ADA2: variants seen among roughly 807,000 people sequenced by gnomAD.
The protein encoded by ADA2 is adenosine deaminase CECR1.
ADA2 carries 29 observed loss-of-function variants against 44.2 expected under a neutral mutation model. The ratio of observed to expected loss-of-function variants is 0.66; its 90% confidence interval spans 0.49 to 0.89. The LOEUF is 0.89. Ranked by LOEUF, ADA2 falls within the 40% of genes least tolerant of loss-of-function variation. The probability of loss-of-function intolerance (pLI) is 0.00; values close to 1 mark genes in which losing one functional copy is unlikely to be tolerated. For synonymous variants in ADA2, 215 were observed against 234.9 expected (o/e 0.92, Z 0.77); for missense variants, 637 against 644.8 (o/e 0.99, Z 0.13).
chr22:17,194,370 C>A (rs752340662), intron 4 of ADA2, among the ~76,000 whole-genome samples: 9 of 152,216 alleles, frequency 5.9e-5, no homozygotes, highest in South Asian at 4.1e-4. Flanking sequence ...GTCTCCCCAG[C>A]CTAGGGGCCT....
At chr22:17,193,974 A>G (rs1392857109) in intron 4 of ADA2, among the ~76,000 whole-genome samples, 2 of 151,044 alleles carry the variant, frequency 1.3e-5, no homozygotes, top group African/African-American at 4.9e-5. Flanking sequence ...CAGGAGGTCA[A>G]GACCAGCCTG....
intron 7 of ADA2, among the ~76,000 whole-genome samples, chr22:17,183,928 C>T (rs187392867): frequency 6.6e-6 from 1 of 151,038 alleles, no homozygotes; most frequent in East Asian, 1.9e-4. Flanking sequence ...GGCCTCCCTT[C>T]TCCCCTGCCA....
upstream of ADA2, among the ~76,000 whole-genome samples, chr22:17,220,908 G>A (rs1390573172): frequency 6.6e-6 from 1 of 152,134 alleles, no homozygotes; most frequent in African/African-American, 2.4e-5. Context: ...GCTCAGTGGT[G>A]CATGCCTGTA....
At chr22:17,219,028 G>C in intron 1 of ADA2, among the ~76,000 whole-genome samples, 1 of 152,128 alleles carries the variant, frequency 6.6e-6, no homozygotes, top group Non-Finnish European at 1.5e-5. Context: ...GTGGTGGTGG[G>C]TGCCTGTAAT....
chr22:17,209,376 A>G lies in ADA2; in HGVS notation c.302T>C (p.Ile101Thr). The G allele has an allele frequency of 1.2e-6, 2 of 1,613,980 alleles. No homozygotes were observed. Among genetic ancestry groups the G allele is most frequent in the Non-Finnish European group, 8.5e-7 (1 of 1,179,994 alleles). Reference sequence around the variant, plus strand: ...CTTACCTTTTGGCATCATCCTTAGAATATTAAACACTTGACTTCTCTCAAT... The same window carrying G: ...CTTACCTTTTGGCATCATCCTTAGAGTATTAAACACTTGACTTCTCTCAAT... ...HLIERSQVFN[I>T]LRMMPKGAAL... is the part of the protein sequence containing the mutation. Residue 101 changes from isoleucine (I) to threonine (T), a missense_variant, in exon 2 of 10, where the codon ATT becomes ACT. Coordinates refer to ENST00000399837, the MANE Select transcript of ADA2 (RefSeq NM_001282225.2).
intron 1 of ADA2, among the ~76,000 whole-genome samples, chr22:17,219,084 G>C (rs2123740246): frequency 6.6e-6 from 1 of 152,366 alleles, no homozygotes; most frequent in Non-Finnish European, 1.5e-5. Context: ...TTGAACTCGA[G>C]AGGCAGAAGT....
intron 1 of ADA2, among the ~76,000 whole-genome samples, chr22:17,215,366 CG>C (rs2062459273): frequency 2.0e-5 from 3 of 151,896 alleles, no homozygotes; most frequent in African/African-American, 7.2e-5. Context: ...TTTGGGAGGC[CG>C]AGGCAGGAGG....
chr22:17,185,198 G>A (rs2123617585), intron 7 of ADA2, among the ~76,000 whole-genome samples: 1 of 151,372 alleles, frequency 6.6e-6, no homozygotes. Context: ...GGATCACGAG[G>A]TTAGGAGTTC....
Position 17,209,568 on chromosome 22 carries a change from A to C in ADA2, c.110T>G (p.Leu37Arg). ...CCGCATCATCTTTTCTTTCAACAAC[A>C]GATGCGCCCGTGTTTCATCTATGGA... ...ALSIDETRAH[L>R]LLKEKMMRLG... is the part of the protein sequence containing the mutation. Residue 37 changes from leucine to arginine, a missense_variant, in exon 2 of 10, where the codon CTG becomes CGG. Leu to Arg is a moderately radical substitution (Grantham distance 102). Transcript: ENST00000399837. The C allele has an allele frequency of 6.2e-7, 1 of 1,614,132 alleles. No individual in the cohort carries two copies. Among genetic ancestry groups the C allele is most frequent in the Non-Finnish European group, 8.5e-7 (1 of 1,180,036 alleles).
chr22:17,182,528 A>G (rs558022585), intron 8 of ADA2, 76 bp downstream of exon 8: 3 of 1,418,906 alleles, frequency 2.1e-6, no homozygotes, highest in Non-Finnish European at 3.0e-6. Flanking sequence ...GATAAGTTAT[A>G]CAGCAAAAAG....
At chr22:17,206,073 T>A (rs558672798) in intron 3 of ADA2, among the ~76,000 whole-genome samples, 2 of 152,338 alleles carry the variant, frequency 1.3e-5, no homozygotes, top group East Asian at 3.9e-4. Flanking sequence ...AGAAGATTTA[T>A]CTTCCAGCTA....
Position 17,208,529 on chromosome 22 carries a change from G to A in ADA2, c.322+827C>T, listed in dbSNP as rs77121879. Among the ~76,000 whole-genome samples, 178 of 150,084 alleles carry A rather than the reference G, an allele frequency of 1.2e-3. 6 individuals are homozygous for A. In the East Asian group the frequency reaches 0.033, roughly 28 times the overall value. ...TTTAAATTAACATTTTTGGCCAGGT[G>A]CAGTGGCTCACACCTGTAATCCCAG... On this transcript the variant is annotated intron_variant, in intron 2 of 9. Transcript: ENST00000399837.
At position 17,190,045 on chromosome 22, in the gene ADA2, C is replaced by A. The variant is rs752411661; in HGVS notation, c.882-13G>T. 2 of 1,598,872 alleles carry A rather than the reference C, an allele frequency of 1.3e-6. No homozygotes were observed. The highest frequency in any genetic ancestry group is 1.7e-5 in the Admixed American group (1 of 59,974). ...CACATCTTTGGATCTGTGAGACAGACAGAGAAGCCAGGAGACAGTGCCCAG... is the reference window on the plus strand; with the variant it reads ...CACATCTTTGGATCTGTGAGACAGAAAGAGAAGCCAGGAGACAGTGCCCAG... On this transcript the variant is annotated splice_polypyrimidine_tract_variant and intron_variant, in intron 5 of 9. Transcript: ENST00000399837.
chr22:17,199,434 A>ATCC (rs1437569345), intron 4 of ADA2: 1 of 1,021,820 alleles, frequency 9.8e-7, no homozygotes, highest in Admixed American at 1.7e-5. Context: ...CCCCTCCTCT[A>ATCC]TCCTCTTCCC....
chr22:17,188,179 T>C (rs1390274344), intron 7 of ADA2, among the ~76,000 whole-genome samples, 160 bp downstream of exon 7: 1 of 152,232 alleles, frequency 6.6e-6, no homozygotes, highest in Non-Finnish European at 1.5e-5. Context: ...TTATCCTTGT[T>C]ATTCCTTCTC....
At chr22:17,220,091 A>G (rs181706273), upstream of ADA2, among the ~76,000 whole-genome samples, 107 of 152,308 alleles carry the variant, frequency 7.0e-4, no homozygotes, top group Middle Eastern at 0.01. Context: ...AGGCACTCCA[A>G]AATCTGTTCA....
chr22:17,195,415 G>C (rs2062177535), intron 4 of ADA2, among the ~76,000 whole-genome samples: 1 of 151,990 alleles, frequency 6.6e-6, no homozygotes, highest in African/African-American at 2.4e-5. Context: ...TGTAATCCCA[G>C]CTACTGGGGA....
intron 4 of ADA2, chr22:17,199,438 T>TCTTCCCCTCCCTCCCCTCCCCTATCCC: frequency 1.0e-6 from 1 of 995,462 alleles, no homozygotes. Context: ...TCCTCTATCC[T>TCTTCCCCTCCCTCCCCTCCCCTATCCC]CTTCCCCTCC....
chr22:17,194,382 C>A (rs1414431628), intron 4 of ADA2, among the ~76,000 whole-genome samples: 2 of 152,226 alleles, frequency 1.3e-5, no homozygotes, highest in East Asian at 3.8e-4. Context: ...TAGGGGCCTC[C>A]CACACCCCTC....
Sources: gnomAD v4.1 joint callset for allele counts (sites outside exome capture counted in the v4.1 genomes callset) on GRCh38, gnomAD v4.1.1 for gene constraint, MANE v1.5 for transcripts, NCBI Gene and HGNC (gene_info 2026-07-23, HGNC 2026-07-21) for gene names.